The following NTRK2 variants were observed in gnomAD, a reference collection of about 807,000 sequenced individuals.
The protein encoded by NTRK2 is BDNF/NT-3 growth factors receptor.
In NTRK2, 13 loss-of-function variants were observed where a neutral mutation model predicts 94.5. The observed-to-expected ratio is 0.14, with a 90% CI of 0.09 to 0.22. The LOEUF (loss-of-function observed/expected upper bound fraction) is 0.22. Ranked by LOEUF, NTRK2 falls within the 10% of genes least tolerant of loss-of-function variation. The pLI is 1.00. For synonymous variants in NTRK2, 372 were observed against 407.4 expected, an observed-to-expected ratio of 0.91 and a Z score of 1.05; for missense variants, 639 against 1,071.2, an observed-to-expected ratio of 0.60 and a Z score of 5.63.
intron 12 of NTRK2, chr9:84,815,472 C>G: frequency 9.6e-7 from 1 of 1,040,212 alleles, no homozygotes; most frequent in Non-Finnish European, 1.2e-6. Context: ...CATGTTCAAC[C>G]ATTTGCTGTA....
intron 14 of NTRK2, among the ~76,000 whole-genome samples, chr9:84,885,490 T>C (rs983558947): frequency 3.3e-5 from 5 of 152,178 alleles, no homozygotes; most frequent in African/African-American, 1.2e-4. Flanking sequence ...ATAAAATGAA[T>C]GTGTAGCAGA....
chr9:84,871,972 A>G, intron 14 of NTRK2: 1 of 1,570,166 alleles, frequency 6.4e-7, no homozygotes, highest in Non-Finnish European at 8.6e-7. Context: ...CTAGCCAAGC[A>G]AGAAGTTGCC....
chr9:84,938,360 G>A (rs1401842916), intron 15 of NTRK2, among the ~76,000 whole-genome samples: 2 of 151,998 alleles, frequency 1.3e-5, no homozygotes, highest in East Asian at 1.9e-4. Flanking sequence ...TTTCCATGTC[G>A]GGATGGCCCC....
Position 84,669,803 on chromosome 9 carries a change from C to G in NTRK2, c.-458C>G, listed in dbSNP as rs769821510. 6.5e-6 allele frequency: 1 copy of G among 152,762 alleles called. No homozygotes were observed. Among genetic ancestry groups the G allele is most frequent in the Non-Finnish European group, 1.5e-5 (1 of 68,204 alleles). 9.5% of individuals were successfully genotyped at this position (152,762 alleles called of 1,614,324 possible). A position where few individuals can be genotyped will look rare whatever the true frequency, so the allele number is the denominator to read the frequency against. On this transcript the variant is annotated 5_prime_UTR_variant, in exon 1 of 19. Transcript: ENST00000277120. This position sits in a 1 kb window ranked among gnomAD's most constrained non-coding sequence, Gnocchi z 4.1. Reference sequence around the variant, plus strand: ...GGAGCAGGAGCCTCGCTGGCTGCTTCGCTCGCGCTCTACGCGCTCAGTCCC... The same window carrying G: ...GGAGCAGGAGCCTCGCTGGCTGCTTGGCTCGCGCTCTACGCGCTCAGTCCC...
intron 6 of NTRK2, among the ~76,000 whole-genome samples, chr9:84,715,441 C>CTAACAATATTTTTTTT (rs1298604539): frequency 6.6e-6 from 1 of 152,058 alleles, no homozygotes; most frequent in African/African-American, 2.4e-5. Context: ...AGTCAAAATG[C>CTAACAATATTTTTTTT]CTCACAATAT....
chr9:84,892,779 G>A (rs953141374), intron 14 of NTRK2, among the ~76,000 whole-genome samples: 3 of 152,136 alleles, frequency 2.0e-5, no homozygotes, highest in Admixed American at 2.0e-4. Flanking sequence ...AAAATTAGCT[G>A]GGTGTGGTGG....
chr9:84,816,390 C>G (rs759248153), intron 12 of NTRK2, among the ~76,000 whole-genome samples: 1 of 151,994 alleles, frequency 6.6e-6, no homozygotes, highest in Non-Finnish European at 1.5e-5. Flanking sequence ...TGTTGACACC[C>G]AAAGGGTTTT....
At chr9:84,839,624 G>A (rs2074061626) in intron 12 of NTRK2, among the ~76,000 whole-genome samples, 3 of 152,114 alleles carry the variant, frequency 2.0e-5, no homozygotes, top group Non-Finnish European at 1.5e-5. Flanking sequence ...GTGCTGAATC[G>A]GGCTGAGCGT....
chr9:84,981,062 CT>C (rs765303660), intron 17 of NTRK2, among the ~76,000 whole-genome samples: 6 of 152,068 alleles, frequency 3.9e-5, no homozygotes, highest in Non-Finnish European at 5.9e-5. Flanking sequence ...AGATTTTCTG[CT>C]TTTTGCTTTC....
In NTRK2 at chr9:84,856,475, CT is replaced by C. The variant is rs1310841443; in HGVS notation, c.1397-4561del. Among the ~76,000 whole-genome samples the C allele has an allele frequency of 4.6e-5, 7 of 152,246 alleles. No individual in the cohort carries two copies. The South Asian group carries it at 1.0e-3, about 23-fold the overall frequency. On this transcript the variant is annotated intron_variant, in intron 12 of 18. Coordinates refer to ENST00000277120, the MANE Select transcript of NTRK2 (RefSeq NM_006180.6). ...ATGATGATACTGTCAACAAGGCGAA[CT>C]TTTGCATTCATTTTTTCTCACTCCA...
At chr9:84,790,162 G>A (rs1033738463) in intron 12 of NTRK2, among the ~76,000 whole-genome samples, 1 of 152,130 alleles carries the variant, frequency 6.6e-6, no homozygotes, top group Non-Finnish European at 1.5e-5. Flanking sequence ...AACACTTTTA[G>A]TCAGAAAAAT....
At chr9:84,879,489 T>A (rs73476417) in intron 14 of NTRK2, among the ~76,000 whole-genome samples, 1 of 152,092 alleles carries the variant, frequency 6.6e-6, no homozygotes, top group African/African-American at 2.4e-5. Context: ...TTATATAATT[T>A]CTACCTAATG....
At chr9:84,749,913 G>A (rs1484909940) in intron 11 of NTRK2, among the ~76,000 whole-genome samples, 1 of 152,124 alleles carries the variant, frequency 6.6e-6, no homozygotes, top group Non-Finnish European at 1.5e-5. Flanking sequence ...TCCACATCTT[G>A]GGGACTTAAA....
rs969319058 is a variant in NTRK2, at chr9:85,022,074, G to C, written c.*637G>C. On this transcript the variant is annotated 3_prime_UTR_variant, in exon 19 of 19. Transcript: ENST00000277120. ...ATCTGTGAAGCCTTTATCTATGGGAGATTAAAACCAGAGAGAAAGAAGATT... is the reference window on the plus strand; with the variant it reads ...ATCTGTGAAGCCTTTATCTATGGGACATTAAAACCAGAGAGAAAGAAGATT... 8 of 233,334 alleles carry C rather than the reference G, an allele frequency of 3.4e-5. No individual in the cohort carries two copies. The highest frequency in any genetic ancestry group is 1.8e-4 in the African/African-American group (8 of 45,326). 14.5% of individuals were successfully genotyped at this position (233,334 alleles called of 1,614,324 possible).
chr9:84,792,223 T>C (rs1388579040), intron 12 of NTRK2, among the ~76,000 whole-genome samples: 1 of 152,232 alleles, frequency 6.6e-6, no homozygotes, highest in African/African-American at 2.4e-5. Flanking sequence ...AGAGAGACAG[T>C]TCACATTTTT....
intron 5 of NTRK2, among the ~76,000 whole-genome samples, chr9:84,708,266 T>A (rs1258070494): frequency 6.6e-6 from 1 of 152,198 alleles, no homozygotes; most frequent in Non-Finnish European, 1.5e-5. Flanking sequence ...GTTTGGTTCC[T>A]GTTGGATCCA....
chr9:84,928,701 G>T (rs1302789814), intron 14 of NTRK2, among the ~76,000 whole-genome samples: 1 of 152,100 alleles, frequency 6.6e-6, no homozygotes, highest in Non-Finnish European at 1.5e-5. Flanking sequence ...AGCCAGTCTC[G>T]ATGATCTTTA....
rs200927720 is a variant in NTRK2 at position 84,867,336 on chromosome 9, G to T, written c.1538G>T (p.Gly513Val). ...GSNTPSSSEGGPDAVIIGMTK... is the reference protein window; with the variant it reads ...GSNTPSSSEGVPDAVIIGMTK... The stretch of plus-strand genomic sequence containing the variant: ...AACACTCCATCTTCTTCGGAAGGTG[G>T]CCCAGATGCTGTCATTATTGGAATG... Residue 513 changes from glycine to valine, a missense_variant, in exon 14 of 19, where the codon GGC becomes GTC. By Grantham distance (109) the Gly-to-Val change is moderately radical. Coordinates refer to ENST00000277120, the MANE Select transcript of NTRK2 (RefSeq NM_006180.6). 1.2e-5 allele frequency: 20 copies of T among 1,613,908 alleles called. No homozygotes were observed. The highest frequency in any genetic ancestry group is 1.5e-5 in the Non-Finnish European group (18 of 1,179,948).
At chr9:84,809,882 G>GAAAA (rs35481612) in intron 12 of NTRK2, among the ~76,000 whole-genome samples, 2 of 118,734 alleles carry the variant, frequency 1.7e-5, no homozygotes, top group Non-Finnish European at 3.4e-5. Context: ...ACTCTGTCTG[G>GAAAA]AAAAAAAAAA....
Sources: allele counts gnomAD v4.1 joint callset (sites outside exome capture counted in the v4.1 genomes callset), GRCh38; gene constraint gnomAD v4.1.1; non-coding constraint Gnocchi (gnomAD v3.1); transcripts MANE v1.5; gene names NCBI Gene and HGNC (gene_info 2026-07-23, HGNC 2026-07-21).